Variants in TENM4 observed in about 807,000 individuals in gnomAD.
TENM4 encodes teneurin-4.
A neutral mutation model predicts 243.3 loss-of-function variants in TENM4; 82 were observed. The observed-to-expected ratio is 0.34, with a 90% CI of 0.28 to 0.40. TENM4 has a LOEUF of 0.40. Among genes scored for constraint, TENM4 ranks in the 10% least tolerant of loss-of-function variants. TENM4 has a pLI of 1.00. For missense variants in TENM4, 3,138 were observed against 3,673.3 expected (o/e 0.85, Z 3.77); for synonymous variants, 1,412 against 1,456.3 (o/e 0.97, Z 0.69).
At chr11:79,290,124 C>T (rs981725927) in intron 2 of TENM4, among the ~76,000 whole-genome samples, 11 of 152,154 alleles carry the variant, frequency 7.2e-5, no homozygotes, top group African/African-American at 2.4e-4. Flanking sequence ...CTTGGAGGCT[C>T]TCTAATCTAT....
chr11:79,130,664 A>G (rs955185379), intron 4 of TENM4, among the ~76,000 whole-genome samples: 1 of 152,142 alleles, frequency 6.6e-6, no homozygotes, highest in African/African-American at 2.4e-5. Context: ...TCTACTAAAA[A>G]TACAAAAAAT....
chr11:79,043,589 T>C (rs1222437226), intron 6 of TENM4, among the ~76,000 whole-genome samples: 2 of 152,226 alleles, frequency 1.3e-5, no homozygotes, highest in Non-Finnish European at 2.9e-5. Flanking sequence ...CACTGCACCA[T>C]AAATTAACCC....
chr11:79,358,893 G>A (rs1402276901), intron 1 of TENM4, among the ~76,000 whole-genome samples: 2 of 151,308 alleles, frequency 1.3e-5, no homozygotes, highest in East Asian at 1.9e-4. Flanking sequence ...TAGTAAAAAC[G>A]AAAAACACCT....
Position 78,889,892 on chromosome 11 carries a change from G to A in TENM4, c.977C>T (p.Pro326Leu), listed in dbSNP as rs773939766. The A allele has an allele frequency of 3.2e-5, 50 of 1,551,700 alleles. No individual in the cohort carries two copies. Among genetic ancestry groups the A allele is most frequent in the Non-Finnish European group, 3.4e-5 (39 of 1,147,036 alleles). ...RPLPRSTFAR[P>L]AFNLKKPSKY... Reference sequence around the variant, plus strand: ...GGAGGGCTTCTTGAGGTTAAAGGCCGGCCGGGCGAAGGTGCTGCGGGGCAG... The same window carrying A: ...GGAGGGCTTCTTGAGGTTAAAGGCCAGCCGGGCGAAGGTGCTGCGGGGCAG... Residue 326 changes from proline (P) to leucine (L), a missense_variant, in exon 9 of 34, where the codon CCG (proline) becomes CTG (leucine). Pro to Leu is a moderately conservative substitution (Grantham distance 98). This residue lies in a region of TENM4 where 671 missense variants were observed against 614.1 expected (regional missense o/e 1.09). Transcript: ENST00000278550.
chr11:79,297,891 A>T (rs916482657), intron 1 of TENM4, among the ~76,000 whole-genome samples: 1 of 151,966 alleles, frequency 6.6e-6, no homozygotes, highest in African/African-American at 2.4e-5. Flanking sequence ...AAGGGCCACA[A>T]TCTCAACACA....
intron 2 of TENM4, among the ~76,000 whole-genome samples, chr11:79,235,994 T>C (rs964802264): frequency 6.6e-6 from 1 of 152,158 alleles, no homozygotes; most frequent in Admixed American, 6.5e-5. Context: ...GCTGCTGCCC[T>C]GTAAACAATG....
At chr11:78,677,085 T>C (rs571225073) in intron 29 of TENM4, among the ~76,000 whole-genome samples, 32 of 152,286 alleles carry the variant, frequency 2.1e-4, no homozygotes, top group African/African-American at 6.3e-4. Flanking sequence ...TTTATAAATA[T>C]ACTAAAAGCC....
chr11:79,300,618 A>C (rs1277320564), intron 1 of TENM4, among the ~76,000 whole-genome samples: 1 of 152,248 alleles, frequency 6.6e-6, no homozygotes, highest in East Asian at 1.9e-4. Context: ...AGGCATTAGC[A>C]TACTTTAAAA....
Position 79,156,381 on chromosome 11 carries a change from C to G in TENM4, c.-162-7575G>C, listed in dbSNP as rs118184349. Reference sequence around the variant, plus strand: ...TGGTCCCTGTTCACGTTGTGTGTAACGCATACCCCACCAGGGAGTCTTGGA... The same window carrying G: ...TGGTCCCTGTTCACGTTGTGTGTAAGGCATACCCCACCAGGGAGTCTTGGA... On this transcript the variant is annotated intron_variant, in intron 3 of 33. Coordinates refer to ENST00000278550, the MANE Select transcript of TENM4 (RefSeq NM_001098816.3). 6.6e-5 allele frequency among the ~76,000 whole-genome samples: 10 copies of G among 152,332 alleles called. No individual in the cohort carries two copies. In the East Asian group the frequency reaches 1.9e-3, roughly 29 times the overall value.
chr11:79,345,776 C>T (rs1321796400), intron 1 of TENM4, among the ~76,000 whole-genome samples: 1 of 152,060 alleles, frequency 6.6e-6, no homozygotes, highest in Non-Finnish European at 1.5e-5. Context: ...GTTATTATAC[C>T]TTACCGATAA....
At chr11:78,995,759 G>C (rs665615) in intron 6 of TENM4, among the ~76,000 whole-genome samples, 1 of 151,940 alleles carries the variant, frequency 6.6e-6, no homozygotes, top group South Asian at 2.1e-4. Context: ...GAGATGCAGA[G>C]TGAGGGTGGC....
chr11:79,064,898 A>G lies in TENM4; in HGVS notation c.333T>C (p.Ala111=). 1 of 1,549,472 alleles carries G rather than the reference A, an allele frequency of 6.5e-7. No individual in the cohort carries two copies. The highest frequency in any genetic ancestry group is 8.7e-7 in the Non-Finnish European group (1 of 1,145,570). Residue 111 remains alanine (A), a synonymous_variant, in exon 6 of 34, where the codon GCT becomes GCC. Transcript: ENST00000278550. ...CAGCCTCCATGTCGGCATCAGAGCCAGCCCCCATGGAGTAGCCGCAGTGGG... is the reference window on the plus strand; with the variant it reads ...CAGCCTCCATGTCGGCATCAGAGCCGGCCCCCATGGAGTAGCCGCAGTGGG... The part of the protein sequence containing the change: ...GLPHCGYSMG[A]GSDADMEADT...
At chr11:79,319,105 C>T (rs1019727328) in intron 1 of TENM4, among the ~76,000 whole-genome samples, 1 of 152,180 alleles carries the variant, frequency 6.6e-6, no homozygotes, top group Admixed American at 6.5e-5. Context: ...CTAACAGCAA[C>T]CCCATTTTAC....
intron 11 of TENM4, 124 bp from the exon 12 acceptor site, chr11:78,854,438 G>C: frequency 1.0e-4 from 83 of 824,560 alleles, no homozygotes; most frequent in Non-Finnish European, 1.4e-4. Context: ...GCCCAAAGAG[G>C]CTAAGGGTGC....
chr11:78,840,350 G>A (rs1260736590), intron 12 of TENM4, among the ~76,000 whole-genome samples: 5 of 152,014 alleles, frequency 3.3e-5, no homozygotes, highest in Non-Finnish European at 7.4e-5. Flanking sequence ...AAAAAAATCA[G>A]GCTGACATGT....
chr11:79,102,471 C>T (rs954185766), intron 4 of TENM4, among the ~76,000 whole-genome samples: 1 of 152,202 alleles, frequency 6.6e-6, no homozygotes, highest in African/African-American at 2.4e-5. Context: ...GAAGCCAGCG[C>T]TGAGCTAGGT....
chr11:79,089,794 G>A (rs908753411), intron 4 of TENM4, among the ~76,000 whole-genome samples: 19 of 152,132 alleles, frequency 1.2e-4, no homozygotes, highest in Admixed American at 4.6e-4. Context: ...TACACACAGT[G>A]GTTCTCATTT....
chr11:78,948,443 C>T (rs1857048296), intron 6 of TENM4, among the ~76,000 whole-genome samples: 1 of 148,536 alleles, frequency 6.7e-6, no homozygotes, highest in Admixed American at 6.7e-5. Context: ...GCAGTGATCT[C>T]GGCTCACTGC....
At chr11:78,960,176 T>C (rs1163713750) in intron 6 of TENM4, among the ~76,000 whole-genome samples, 1 of 151,876 alleles carries the variant, frequency 6.6e-6, no homozygotes, top group Non-Finnish European at 1.5e-5. Context: ...TGTGTTTCTG[T>C]GCATCATTTG....
Sources: allele counts gnomAD v4.1 joint callset (sites outside exome capture counted in the v4.1 genomes callset), GRCh38; gene constraint gnomAD v4.1.1; regional missense constraint gnomAD v4.1.1; transcripts MANE v1.5; gene names NCBI Gene and HGNC (gene_info 2026-07-23, HGNC 2026-07-21).